The following MAP3K5 variants were observed in gnomAD, a reference collection of about 807,000 sequenced individuals.
The protein encoded by MAP3K5 is ASK-1.
MAP3K5 carries 56 observed loss-of-function variants against 158.7 expected under a neutral mutation model. That is an observed-to-expected ratio of 0.35 (90% CI 0.28 to 0.44). The LOEUF is 0.44. Ranked by LOEUF, MAP3K5 falls within the 20% of genes least tolerant of loss-of-function variation. MAP3K5 has a pLI of 1.00. For synonymous variants in MAP3K5, 579 were observed against 601.7 expected (o/e 0.96, Z 0.55); for missense variants, 1,294 against 1,674.8 (o/e 0.77, Z 3.97).
chr6:136,707,141 C>A (rs1228533987), intron 2 of MAP3K5, among the ~76,000 whole-genome samples: 5 of 151,924 alleles, frequency 3.3e-5, no homozygotes, highest in African/African-American at 1.2e-4. Flanking sequence ...GGCAACAGAG[C>A]AAGATCCTGA....
At chr6:136,564,279 G>A (rs1379492439) in intron 26 of MAP3K5, among the ~76,000 whole-genome samples, 1 of 152,206 alleles carries the variant, frequency 6.6e-6, no homozygotes, top group Non-Finnish European at 1.5e-5. Flanking sequence ...GATCCTCAGA[G>A]AGAAGGGATC....
At chr6:136,792,924 C>T (rs1785153343), upstream of MAP3K5, among the ~76,000 whole-genome samples, 1 of 152,200 alleles carries the variant, frequency 6.6e-6, no homozygotes, top group South Asian at 2.1e-4. The surrounding 1 kb of genome is among the most constrained non-coding windows in gnomAD (Gnocchi z 5.7). Context: ...TGCTAGGAAG[C>T]TCGAGCCCGG....
chr6:136,599,528 T>C (rs1397250822), intron 21 of MAP3K5, among the ~76,000 whole-genome samples: 1 of 152,052 alleles, frequency 6.6e-6, no homozygotes, highest in Non-Finnish European at 1.5e-5. Flanking sequence ...TTGCCAAGTG[T>C]GTATGGTTGA....
intron 17 of MAP3K5, among the ~76,000 whole-genome samples, chr6:136,612,104 C>T (rs2129090989): frequency 6.6e-6 from 1 of 152,296 alleles, no homozygotes; most frequent in South Asian, 2.1e-4. Context: ...CATCCCCAAC[C>T]ACCCAGACCC....
intron 21 of MAP3K5, among the ~76,000 whole-genome samples, chr6:136,596,506 G>T (rs1775637947): frequency 6.6e-6 from 1 of 152,200 alleles, no homozygotes; most frequent in Non-Finnish European, 1.5e-5. Context: ...AAAAAAGGTG[G>T]TGGTGTCAGC....
intron 5 of MAP3K5, 33 bp from the exon 6 acceptor site, chr6:136,696,090 A>C (rs773611212): frequency 4.0e-6 from 5 of 1,260,778 alleles, no homozygotes; most frequent in Non-Finnish European, 5.7e-6. Flanking sequence ...CACAGAATTA[A>C]ACCATTAGGA....
chr6:136,681,671 C>T lies in MAP3K5; in HGVS notation c.1254-12276G>A, dbSNP rs565221191. Among the ~76,000 whole-genome samples the T allele has an allele frequency of 2.0e-5, 3 of 152,244 alleles. No individual in the cohort carries two copies. In the East Asian group the frequency reaches 5.8e-4, roughly 29 times the overall value. ...AAACGAAACGCCTGTAATCCCAGCACTTTGGGAGGCCAAGGTGGGCAGATC... is the reference window on the plus strand; with the variant it reads ...AAACGAAACGCCTGTAATCCCAGCATTTTGGGAGGCCAAGGTGGGCAGATC... On this transcript the variant is annotated intron_variant, in intron 7 of 29. Transcript: ENST00000359015.
At chr6:136,642,260 T>C (rs1778015457) in intron 12 of MAP3K5, among the ~76,000 whole-genome samples, 1 of 152,068 alleles carries the variant, frequency 6.6e-6, no homozygotes, top group South Asian at 2.1e-4. Context: ...ATTTTGATTC[T>C]GGTCCATAGT....
intron 6 of MAP3K5, among the ~76,000 whole-genome samples, chr6:136,695,194 G>C (rs1376557935): frequency 6.6e-6 from 1 of 152,166 alleles, no homozygotes; most frequent in Non-Finnish European, 1.5e-5. Flanking sequence ...CTGGAGGGCA[G>C]TGGCATGATC....
chr6:136,631,512 T>A (rs975540441), intron 14 of MAP3K5, among the ~76,000 whole-genome samples: 1 of 151,936 alleles, frequency 6.6e-6, no homozygotes, highest in African/African-American at 2.4e-5. Flanking sequence ...ATGTCACTTT[T>A]TTTTTTCTTT....
At chr6:136,586,088 T>C (rs1224411444) in intron 23 of MAP3K5, among the ~76,000 whole-genome samples, 2 of 152,204 alleles carry the variant, frequency 1.3e-5, no homozygotes, top group Non-Finnish European at 2.9e-5. Context: ...TGAGATAAGA[T>C]TATATTGAAA....
chr6:136,659,957 AC>A (rs1307453137), intron 8 of MAP3K5, among the ~76,000 whole-genome samples: 6 of 152,346 alleles, frequency 3.9e-5, no homozygotes, highest in African/African-American at 1.4e-4. Flanking sequence ...GTGAAAATTA[AC>A]CTTTAATTTG....
chr6:136,621,571 G>A (rs549090705), intron 15 of MAP3K5, among the ~76,000 whole-genome samples: 3 of 152,304 alleles, frequency 2.0e-5, no homozygotes, highest in African/African-American at 4.8e-5. Context: ...GAGGGGAAGA[G>A]TTCGACAGGT....
At chr6:136,761,962 C>G (rs942901506) in intron 1 of MAP3K5, among the ~76,000 whole-genome samples, 1 of 152,150 alleles carries the variant, frequency 6.6e-6, no homozygotes, top group Non-Finnish European at 1.5e-5. Flanking sequence ...ATTCTCCTAA[C>G]CAGACAGCAA....
chr6:136,561,541 T>C lies in MAP3K5; in HGVS notation c.3979A>G (p.Ile1327Val). ...LRVNGADEDT[I>V]SRFLAEDYTL... ...CAGACAGTTTTCTTTACCCGGCTTA[T>C]AGTGTCTTCATCAGCTCCATTCACT... Residue 1327 changes from isoleucine (I) to valine (V), a missense_variant, in exon 28 of 30, where the codon ATA becomes GTA. Ile to Val is a conservative substitution (Grantham distance 29). Transcript: ENST00000359015. 3.1e-6 allele frequency: 5 copies of C among 1,608,936 alleles called. No homozygotes were observed. Among genetic ancestry groups the C allele is most frequent in the Non-Finnish European group, 4.3e-6 (5 of 1,175,318 alleles).
intron 1 of MAP3K5, among the ~76,000 whole-genome samples, chr6:136,739,907 A>G (rs946177416): frequency 6.6e-6 from 1 of 152,174 alleles, no homozygotes; most frequent in Non-Finnish European, 1.5e-5. Context: ...TTCCTGCACC[A>G]TTAGCTGTCC....
intron 20 of MAP3K5, 127 bp downstream of exon 20, chr6:136,601,675 T>A (rs1775881848): frequency 1.2e-6 from 1 of 803,128 alleles, no homozygotes; most frequent in East Asian, 2.6e-5. Context: ...GAGAACACTG[T>A]GCTAATATTT....
chr6:136,631,792 T>C (rs2237268), intron 14 of MAP3K5, among the ~76,000 whole-genome samples: 105,977 of 151,880 alleles, frequency 0.7, 37,699 homozygotes, highest in African/African-American at 0.82. Context: ...TGAATCTCTT[T>C]TACTTGGACA....
chr6:136,600,187 ATTT>A (rs907571176), intron 21 of MAP3K5, among the ~76,000 whole-genome samples: 19 of 132,690 alleles, frequency 1.4e-4, no homozygotes, highest in Admixed American at 3.1e-4. Flanking sequence ...CATGCTGTTA[ATTT>A]TTTTTTTTTT....
Sources: allele counts gnomAD v4.1 joint callset (sites outside exome capture counted in the v4.1 genomes callset), GRCh38; gene constraint gnomAD v4.1.1; non-coding constraint Gnocchi (gnomAD v3.1); transcripts MANE v1.5; gene names NCBI Gene and HGNC (gene_info 2026-07-23, HGNC 2026-07-21).